Variants in EML6 observed in about 807,000 individuals in gnomAD.
EML6 encodes echinoderm microtubule-associated protein-like 6.
EML6 carries 154 observed loss-of-function variants against 240.1 expected under a neutral mutation model. The observed-to-expected ratio is 0.64, with a 90% CI of 0.56 to 0.73. The LOEUF is 0.73. Among genes scored for constraint, EML6 ranks in the 30% least tolerant of loss-of-function variants. The pLI is 0.00. For synonymous variants in EML6, 1,148 were observed against 899.0 expected, an observed-to-expected ratio of 1.28 and a Z score of -4.95; for missense variants, 2,964 against 2,474.6, an observed-to-expected ratio of 1.20 and a Z score of -4.20.
Position 54,961,184 on chromosome 2 carries a change from G to GTTGTTTTTTTTTGTTTGTTTTTTT in EML6, c.4968+852_4968+853insGTTTTTTTTTGTTTGTTTTTTTTT. On this transcript the variant is annotated intron_variant, in intron 35 of 41. Transcript: ENST00000356458. ...GGAGCCTGGAAGTTATCAGGAAGTA[G>GTTGTTTTTTTTTGTTTGTTTTTTT]TTTTTTTTTTTTTTTTTTTGAGACG... 4.7e-4 allele frequency among the ~76,000 whole-genome samples: 26 copies of GTTGTTTTTTTTTGTTTGTTTTTTT among 55,422 alleles called. 1 individual carries two copies. The highest frequency in any genetic ancestry group is 7.3e-4 in the Non-Finnish European group (23 of 31,668). The allele number at this position is 55,422 out of a possible 152,430, so 36.4% of individuals were successfully genotyped here. A position where few individuals can be genotyped will look rare whatever the true frequency, so the allele number is the denominator to read the frequency against.
chr2:54,740,710 C>CTTTT (rs35968988), intron 2 of EML6, among the ~76,000 whole-genome samples: 2 of 147,918 alleles, frequency 1.4e-5, no homozygotes, highest in Non-Finnish European at 3.0e-5. Flanking sequence ...GACTCTAGCT[C>CTTTT]TTTTTTTTTT....
intron 17 of EML6, among the ~76,000 whole-genome samples, chr2:54,890,298 G>C (rs1027655621): frequency 6.6e-5 from 10 of 152,036 alleles, no homozygotes; most frequent in Admixed American, 6.6e-4. Context: ...CTCTATATTC[G>C]TAAGGCAGAT....
At position 54,866,826 on chromosome 2, in the gene EML6, C is replaced by G. The variant is rs566644936; in HGVS notation, c.1993C>G (p.Pro665Ala). Residue 665 changes from proline to alanine, a missense_variant, in exon 14 of 42, where the codon CCC (proline) becomes GCC (alanine). Physicochemically the swap from Pro to Ala is conservative, Grantham distance 27. Transcript: ENST00000356458. ...QQSKEKNHAV[P>A]FLKREKAPED... ...AAGTAAAGAGAAAAACCACGCAGTG[C>G]CCTTCCTCAAACGAGAAAAGGCTCC... is the stretch of plus-strand genomic sequence containing the variant. 2 of 1,551,274 alleles carry G rather than the reference C, an allele frequency of 1.3e-6. No individual in the cohort carries two copies. Among genetic ancestry groups the G allele is most frequent in the African/African-American group, 2.7e-5 (2 of 73,158 alleles).
rs1437967843 is a variant in EML6 at position 54,950,603 on chromosome 2, C to CCCTT, written c.4084-39_4084-36dup. 1.9e-6 allele frequency: 3 copies of CCCTT among 1,547,036 alleles called. No individual in the cohort carries two copies. In the African/African-American group the frequency reaches 4.1e-5, roughly 21 times the overall value. On this transcript the variant is annotated intron_variant, in intron 29 of 41. Transcript: ENST00000356458. ...CAATGTGGGTGTGTTCCTCGGCTCT[C>CCCTT]CCTTCCTTCCTCTGAGGGTCACATT... is the stretch of plus-strand genomic sequence containing the variant.
In EML6 at chr2:54,959,305, T is replaced by C. The variant is rs991044481; in HGVS notation, c.4853+44T>C. The C allele has an allele frequency of 3.4e-6, 5 of 1,475,818 alleles. No individual in the cohort carries two copies. The African/African-American group carries it at 4.3e-5, about 13-fold the overall frequency. 91.4% of individuals were successfully genotyped at this position (1,475,818 alleles called of 1,614,324 possible). ...GGAAACAACTTGTCGTTTGTTGTTA[T>C]CTTGGGAGAAACTGACAAAAGTGTT... On this transcript the variant is annotated intron_variant, in intron 34 of 41. Transcript: ENST00000356458.
chr2:54,900,188 G>A (rs181030939), intron 22 of EML6, among the ~76,000 whole-genome samples: 8 of 152,290 alleles, frequency 5.3e-5, no homozygotes, highest in African/African-American at 1.9e-4. Flanking sequence ...CTTAAGAAAT[G>A]AGTAAATATG....
intron 2 of EML6, among the ~76,000 whole-genome samples, chr2:54,741,079 G>C (rs173304): frequency 0.11 from 16,515 of 152,050 alleles, 1,074 homozygotes; most frequent in Middle Eastern, 0.18. Flanking sequence ...GACAGTGCAG[G>C]CCACACGATC....
intron 5 of EML6, among the ~76,000 whole-genome samples, chr2:54,823,878 T>TCTCTCTCTCTCTCTGTCTCTCTC (rs60937620): frequency 4.0e-4 from 52 of 129,118 alleles, no homozygotes; most frequent in African/African-American, 6.5e-4. Flanking sequence ...CTCTCTCTCT[T>TCTCTCTCTCTCTCTGTCTCTCTC]TCTGTCTCTC....
At chr2:54,776,646 T>G (rs1558540141) in intron 2 of EML6, among the ~76,000 whole-genome samples, 2 of 152,156 alleles carry the variant, frequency 1.3e-5, no homozygotes, top group Non-Finnish European at 2.9e-5. Flanking sequence ...ACTCCAGCAT[T>G]ATGCAATACA....
intron 7 of EML6, among the ~76,000 whole-genome samples, chr2:54,842,242 A>G (rs958902241): frequency 1.3e-5 from 2 of 152,116 alleles, no homozygotes; most frequent in African/African-American, 4.8e-5. Context: ...CACTCTGCCT[A>G]TTTATCTCTC....
intron 2 of EML6, among the ~76,000 whole-genome samples, chr2:54,765,151 A>C (rs1668132386): frequency 6.6e-6 from 1 of 152,154 alleles, no homozygotes; most frequent in Non-Finnish European, 1.5e-5. Flanking sequence ...TGATCGTAGA[A>C]GTTTTAGAAG....
chr2:54,798,701 GTAGAT>G (rs1669950574), intron 2 of EML6, among the ~76,000 whole-genome samples: 2 of 152,142 alleles, frequency 1.3e-5, no homozygotes, highest in Non-Finnish European at 2.9e-5. Context: ...TTTTGTAACT[GTAGAT>G]TAATTAGGAT....
At chr2:54,747,085 A>T (rs1227038123) in intron 2 of EML6, 1 of 152,252 alleles carries the variant, frequency 6.6e-6, no homozygotes, top group Non-Finnish European at 1.5e-5. Flanking sequence ...CCTTGTGTTC[A>T]CAGGAATCTT....
chr2:54,892,741 G>T (rs765679298), intron 19 of EML6, 85 bp downstream of exon 19: 5 of 1,057,686 alleles, frequency 4.7e-6, no homozygotes, highest in Non-Finnish European at 6.8e-6. Flanking sequence ...GAGGATGCCT[G>T]TATCTAAAAC....
At chr2:54,953,940 C>T (rs1676108567) in intron 31 of EML6, 43 bp from the exon 32 acceptor site, 2 of 1,469,856 alleles carry the variant, frequency 1.4e-6, no homozygotes, top group Admixed American at 2.2e-5. Flanking sequence ...TTGGCTCTGC[C>T]ATTTGTCAGC....
intron 2 of EML6, among the ~76,000 whole-genome samples, chr2:54,751,386 G>A (rs1454731851): frequency 3.9e-5 from 6 of 152,100 alleles, no homozygotes; most frequent in African/African-American, 1.4e-4. Flanking sequence ...GGAAGCTTCT[G>A]AACAGAAGAT....
intron 24 of EML6, among the ~76,000 whole-genome samples, chr2:54,910,021 AAGG>A (rs1673556483): frequency 6.6e-6 from 1 of 152,154 alleles, no homozygotes; most frequent in African/African-American, 2.4e-5. Flanking sequence ...GAAAAAACAA[AAGG>A]AGAAATATTA....
intron 2 of EML6, among the ~76,000 whole-genome samples, chr2:54,801,319 GA>G (rs35189000): frequency 4.7e-3 from 441 of 94,832 alleles, no homozygotes; most frequent in East Asian, 5.4e-3. Context: ...TGTCTCAAAA[GA>G]AAAAAAAAAA....
At chr2:54,744,935 CACACACACACACACACACACACACACA>C (rs1239719544) in intron 2 of EML6, among the ~76,000 whole-genome samples, 4 of 150,722 alleles carry the variant, frequency 2.7e-5, no homozygotes, top group South Asian at 2.1e-4. Context: ...CACACACACA[CACACACACACACACACACACACACACA>C]CCCTGCCATG....
Sources: allele counts gnomAD v4.1 joint callset (sites outside exome capture counted in the v4.1 genomes callset), GRCh38; gene constraint gnomAD v4.1.1; transcripts MANE v1.5; gene names NCBI Gene and HGNC (gene_info 2026-07-23, HGNC 2026-07-21).